SLC6A20: variants seen among roughly 807,000 people sequenced by gnomAD.
SLC6A20 encodes sodium- and chloride-dependent transporter XTRP3.
In SLC6A20, 73 loss-of-function variants were observed where a neutral mutation model predicts 64.3. That is an observed-to-expected ratio of 1.14 (90% CI 0.94 to 1.38). The LOEUF is 1.38. Ranked by LOEUF, SLC6A20 falls within the 40% of genes most tolerant of loss-of-function variation. The pLI is 0.00. For missense variants in SLC6A20, 725 were observed against 772.8 expected, an observed-to-expected ratio of 0.94 and a Z score of 0.73; for synonymous variants, 347 against 329.6, an observed-to-expected ratio of 1.05 and a Z score of -0.57.
In SLC6A20 at chr3:45,773,532, AT is replaced by A. The variant is rs139774094; in HGVS notation, c.583-918del. Among the ~76,000 whole-genome samples, 785 of 152,290 alleles carry A rather than the reference AT, an allele frequency of 5.2e-3. 6 individuals carry two copies. The highest frequency in any genetic ancestry group is 0.018 in the African/African-American group (760 of 41,550). On this transcript the variant is annotated intron_variant, in intron 4 of 10. Transcript: ENST00000358525. ...TGCACGTGTGCCTATCCAGGAATGGATTTTTTTCTGTAAATCAACTCATATG... is the reference window on the plus strand; with the variant it reads ...TGCACGTGTGCCTATCCAGGAATGGATTTTTTCTGTAAATCAACTCATATG...
intron 8 of SLC6A20, among the ~76,000 whole-genome samples, 160 bp from the exon 9 acceptor site, chr3:45,763,232 GT>G: frequency 6.6e-6 from 1 of 152,316 alleles, no homozygotes; most frequent in Admixed American, 6.5e-5. Context: ...CTCTCTGAAG[GT>G]GTGTGCCACG....
intron 5 of SLC6A20, 65 bp from the exon 6 acceptor site, chr3:45,771,523 A>G: frequency 6.2e-7 from 1 of 1,600,600 alleles, no homozygotes; most frequent in Non-Finnish European, 8.5e-7. Context: ...CAGACCCGCA[A>G]CAGGAGAGTA....
intron 7 of SLC6A20, among the ~76,000 whole-genome samples, chr3:45,769,822 C>G (rs1699830371): frequency 6.6e-6 from 1 of 152,034 alleles, no homozygotes; most frequent in Non-Finnish European, 1.5e-5. Flanking sequence ...AAAAGGGGGA[C>G]TTTTTAACTT....
At chr3:45,780,753 C>G (rs541254497) in intron 2 of SLC6A20, among the ~76,000 whole-genome samples, 56 of 152,300 alleles carry the variant, frequency 3.7e-4, no homozygotes, top group Non-Finnish European at 7.8e-4. Context: ...CCAGCGTCCC[C>G]TCCTCTCCCC....
intron 10 of SLC6A20, 112 bp downstream of exon 10, chr3:45,759,745 C>G: frequency 1.5e-6 from 2 of 1,331,178 alleles, no homozygotes; most frequent in Admixed American, 4.6e-5. Context: ...CATGTCGTGA[C>G]AAATAACCTA....
Position 45,757,090 on chromosome 3 carries a change from T to TA in SLC6A20, c.*1887dup. On this transcript the variant is annotated 3_prime_UTR_variant, in exon 11 of 11. Coordinates refer to ENST00000358525, the MANE Select transcript of SLC6A20 (RefSeq NM_020208.4). ...TTCTCTTTACCCAAACATCTCAGTG[T>TA]AGCAAGGAGTAACAGAGCAGTATTG... is the stretch of plus-strand genomic sequence containing the variant. 1 of 152,190 alleles carries TA rather than the reference T, an allele frequency of 6.6e-6. No homozygotes were observed. The highest frequency in any genetic ancestry group is 2.4e-5 in the African/African-American group (1 of 41,532). 9.4% of individuals were successfully genotyped at this position (152,190 alleles called of 1,614,324 possible).
In SLC6A20 at chr3:45,775,893, G is replaced by A; in HGVS notation, c.450C>T (p.Tyr150=). 5 of 1,614,224 alleles carry A rather than the reference G, an allele frequency of 3.1e-6. No individual in the cohort carries two copies. Among genetic ancestry groups the A allele is most frequent in the African/African-American group, 1.3e-5 (1 of 75,044 alleles). Residue 150 remains tyrosine, a synonymous_variant, in exon 4 of 11, where the codon TAC becomes TAT. Transcript: ENST00000358525. The part of the protein sequence containing the change: ...EKASSTQYFW[Y]RKTLNISPSL... Reference sequence around the variant, plus strand: ...ACGGCGAGATATTGAGGGTTTTCCTGTACCAGAAGTACTGTGTGGAGGACG... The same window carrying A: ...ACGGCGAGATATTGAGGGTTTTCCTATACCAGAAGTACTGTGTGGAGGACG...
At chr3:45,773,168 T>A (rs1027373294) in intron 4 of SLC6A20, among the ~76,000 whole-genome samples, 4 of 152,120 alleles carry the variant, frequency 2.6e-5, no homozygotes, top group Non-Finnish European at 4.4e-5. Context: ...GGAGGACAGA[T>A]TTCCCCAGGA....
intron 4 of SLC6A20, 121 bp from the exon 5 acceptor site, chr3:45,772,736 GGAAAA>G: frequency 3.9e-6 from 3 of 773,682 alleles, no homozygotes; most frequent in Non-Finnish European, 6.3e-6. Context: ...GCTGACAGCT[GGAAAA>G]GGCATGGAGA....
rs1575422760 is a variant in SLC6A20 at position 45,760,116 on chromosome 3, T to C, written c.1464-94A>G. The C allele has an allele frequency of 2.9e-6, 4 of 1,377,806 alleles. No homozygotes were observed. The South Asian group carries it at 5.6e-5, about 19-fold the overall frequency. 85.3% of individuals were successfully genotyped at this position (1,377,806 alleles called of 1,614,324 possible). ...TGTCCCTATTCACAAAGGAACATTCTGTTCTAGGTGGTAAAGGATGTCTGA... is the reference window on the plus strand; with the variant it reads ...TGTCCCTATTCACAAAGGAACATTCCGTTCTAGGTGGTAAAGGATGTCTGA... On this transcript the variant is annotated intron_variant, in intron 9 of 10. Transcript: ENST00000358525.
At position 45,758,362 on chromosome 3, in the gene SLC6A20, T is replaced by C; in HGVS notation, c.*616A>G. 12 of 1,209,066 alleles carry C rather than the reference T, an allele frequency of 9.9e-6. No individual in the cohort carries two copies. Among genetic ancestry groups the C allele is most frequent in the Non-Finnish European group, 1.3e-5 (12 of 924,956 alleles). The allele number at this position is 1,209,066 out of a possible 1,614,324, so 74.9% of individuals were successfully genotyped here. The stretch of plus-strand genomic sequence containing the variant: ...GTTGGGGCAATTTTTTGTAGAGAGG[T>C]CTGGTCCTGGACCCACCGTCAGAGA... On this transcript the variant is annotated 3_prime_UTR_variant, in exon 11 of 11. Transcript: ENST00000358525.
intron 4 of SLC6A20, among the ~76,000 whole-genome samples, chr3:45,773,499 C>T (rs1331391472): frequency 6.6e-6 from 1 of 152,206 alleles, no homozygotes; most frequent in African/African-American, 2.4e-5. Context: ...AGAATACAGA[C>T]CTTCAAGTGC....
chr3:45,780,156 C>A, intron 2 of SLC6A20, 56 bp from the exon 3 acceptor site: 1 of 1,522,658 alleles, frequency 6.6e-7, no homozygotes, highest in Non-Finnish European at 8.9e-7. Flanking sequence ...CCCCCTCCGC[C>A]AGGCCCAGCG....
At chr3:45,789,462 A>T (rs1312796681) in intron 1 of SLC6A20, among the ~76,000 whole-genome samples, 1 of 152,180 alleles carries the variant, frequency 6.6e-6, no homozygotes, top group East Asian at 1.9e-4. Flanking sequence ...ACAGCATAAA[A>T]CTTTACGTGA....
Position 45,755,955 on chromosome 3 carries a change from A to ACTC in SLC6A20, c.*3020_*3022dup, listed in dbSNP as rs1297093977. The ACTC allele has an allele frequency of 1.3e-5, 2 of 152,158 alleles. No homozygotes were observed. The highest frequency in any genetic ancestry group is 4.8e-5 in the African/African-American group (2 of 41,420). 9.4% of individuals were successfully genotyped at this position (152,158 alleles called of 1,614,324 possible). A position where few individuals can be genotyped will look rare whatever the true frequency, so the allele number is the denominator to read the frequency against. On this transcript the variant is annotated 3_prime_UTR_variant, in exon 11 of 11. Transcript: ENST00000358525. The stretch of plus-strand genomic sequence containing the variant: ...TTAAGTCATTTTATAAAATGTAAAT[A>ACTC]CTCCTCAATGTACCACCCATGTTCT...
Position 45,767,372 on chromosome 3 carries a change from GA to G in SLC6A20, c.1099-1632del, listed in dbSNP as rs1000155214. Among the ~76,000 whole-genome samples the G allele has an allele frequency of 2.2e-4, 33 of 151,902 alleles. 1 individual carries two copies. The highest frequency in any genetic ancestry group is 1.9e-4 in the East Asian group (1 of 5,198). On this transcript the variant is annotated intron_variant, in intron 7 of 10. Transcript: ENST00000358525. ...ACTATTGGGATGGACAAGTAAATCT[GA>G]AAAAAATAGCATCTATATAAAAAAT...
intron 1 of SLC6A20, among the ~76,000 whole-genome samples, chr3:45,783,216 C>T (rs1390072304): frequency 1.3e-5 from 2 of 152,160 alleles, no homozygotes; most frequent in African/African-American, 4.8e-5. Flanking sequence ...TGAATTTTGT[C>T]AGGGTGAGCC....
intron 7 of SLC6A20, among the ~76,000 whole-genome samples, chr3:45,767,994 A>G (rs536716618): frequency 1.5e-4 from 23 of 152,344 alleles, no homozygotes; most frequent in Admixed American, 8.5e-4. Flanking sequence ...AAGTATTTTA[A>G]GGAAAAACCT....
In SLC6A20 at chr3:45,781,581, C is replaced by T. The variant is rs140235068; in HGVS notation, c.262+502G>A. Among the ~76,000 whole-genome samples the T allele has an allele frequency of 5.3e-3, 811 of 152,290 alleles. 7 individuals carry two copies. The highest frequency in any genetic ancestry group is 0.018 in the African/African-American group (758 of 41,532). Reference sequence around the variant, plus strand: ...AAACAGTCCTCTCCTGCTGTCCGTGCGGGCCTCAGCTTCCGCACCCCAGAG... The same window carrying T: ...AAACAGTCCTCTCCTGCTGTCCGTGTGGGCCTCAGCTTCCGCACCCCAGAG... On this transcript the variant is annotated intron_variant, in intron 2 of 10. Transcript: ENST00000358525.
Sources: gnomAD v4.1 joint callset for allele counts (sites outside exome capture counted in the v4.1 genomes callset) on GRCh38, gnomAD v4.1.1 for gene constraint, MANE v1.5 for transcripts, NCBI Gene and HGNC (gene_info 2026-07-23, HGNC 2026-07-21) for gene names.